ERC2: variants seen among roughly 807,000 people sequenced by gnomAD.
The protein encoded by ERC2 is ELKS/RAB6-interacting/CAST family member 2, also known as ERC protein 2.
In ERC2, 42 loss-of-function variants were observed where a neutral mutation model predicts 114.8. The ratio of observed to expected loss-of-function variants is 0.37; its 90% CI spans 0.29 to 0.47. The LOEUF (loss-of-function observed/expected upper bound fraction) is 0.47, where lower values mean the gene tolerates loss of function less well. ERC2 is among the 20% of genes least tolerant of loss of function. The probability of loss-of-function intolerance (pLI) is 0.99; values close to 1 mark genes in which losing one functional copy is unlikely to be tolerated. For missense variants in ERC2, 939 were observed against 1,150.7 expected (o/e 0.82, Z 2.66); for synonymous variants, 454 against 425.5 (o/e 1.07, Z -0.82).
At chr3:55,670,832 G>T (rs2061527257) in intron 17 of ERC2, among the ~76,000 whole-genome samples, 1 of 152,184 alleles carries the variant, frequency 6.6e-6, no homozygotes, top group Non-Finnish European at 1.5e-5. Flanking sequence ...CAACAGTTGG[G>T]GGGGAATTTT....
chr3:55,692,987 A>C (rs558347978), intron 16 of ERC2, among the ~76,000 whole-genome samples: 2 of 152,312 alleles, frequency 1.3e-5, no homozygotes, highest in East Asian at 3.9e-4. Flanking sequence ...ATTCTATGGG[A>C]ATTTTCAGCA....
intron 14 of ERC2, among the ~76,000 whole-genome samples, chr3:55,789,218 C>T (rs961140574): frequency 6.6e-6 from 1 of 152,180 alleles, no homozygotes; most frequent in Non-Finnish European, 1.5e-5. Flanking sequence ...TGTGACTGTC[C>T]TGCAAAAAGG....
intron 13 of ERC2, among the ~76,000 whole-genome samples, chr3:55,940,664 C>T (rs935490445): frequency 1.3e-5 from 2 of 152,136 alleles, no homozygotes; most frequent in African/African-American, 2.4e-5. Context: ...CTTGTTGTTA[C>T]ATCTCAGTAG....
At chr3:56,141,781 A>G (rs1389055432) in intron 5 of ERC2, among the ~76,000 whole-genome samples, 1 of 152,198 alleles carries the variant, frequency 6.6e-6, no homozygotes, top group Non-Finnish European at 1.5e-5. Context: ...CCCTGGCATT[A>G]CTATGAAAAA....
chr3:55,900,717 G>A (rs984606485), intron 13 of ERC2, among the ~76,000 whole-genome samples: 1 of 152,140 alleles, frequency 6.6e-6, no homozygotes, highest in Admixed American at 6.5e-5. Context: ...AGAGTCCAAA[G>A]CACCCTTGCA....
chr3:56,388,666 A>T (rs983201959), intron 2 of ERC2, among the ~76,000 whole-genome samples: 1 of 152,094 alleles, frequency 6.6e-6, no homozygotes, highest in Non-Finnish European at 1.5e-5. Context: ...GCCTTCCATG[A>T]TTCCTTTCCT....
At chr3:55,856,338 T>C (rs1286985131) in intron 14 of ERC2, among the ~76,000 whole-genome samples, 1 of 152,116 alleles carries the variant, frequency 6.6e-6, no homozygotes, top group Non-Finnish European at 1.5e-5. Flanking sequence ...GACCAAACGA[T>C]AAACTATAGA....
chr3:56,135,587 A>G (rs964395291), intron 6 of ERC2, among the ~76,000 whole-genome samples: 1 of 152,204 alleles, frequency 6.6e-6, no homozygotes, highest in Non-Finnish European at 1.5e-5. Flanking sequence ...TTTCACATAG[A>G]TGTATGAGGC....
chr3:56,051,924 A>T (rs1030527911), intron 7 of ERC2, among the ~76,000 whole-genome samples: 1 of 152,070 alleles, frequency 6.6e-6, no homozygotes, highest in Non-Finnish European at 1.5e-5. Flanking sequence ...GTGTCCTAAG[A>T]TGTAGAAAAT....
chr3:55,624,067 G>A (rs1251903604), intron 17 of ERC2, among the ~76,000 whole-genome samples: 2 of 152,212 alleles, frequency 1.3e-5, no homozygotes, highest in Non-Finnish European at 2.9e-5. Flanking sequence ...AACAGCTCAA[G>A]AGAGAGGGGT....
chr3:56,428,301 A>C (rs866525597), intron 2 of ERC2, among the ~76,000 whole-genome samples: 2 of 151,956 alleles, frequency 1.3e-5, no homozygotes, highest in Non-Finnish European at 2.9e-5. Context: ...CGGGCGGATC[A>C]CCTGAGGTCA....
intron 1 of ERC2, among the ~76,000 whole-genome samples, chr3:56,454,969 C>T (rs1269113810): frequency 2.0e-5 from 3 of 151,534 alleles, no homozygotes; most frequent in Non-Finnish European, 4.4e-5. Context: ...CAAATATTGT[C>T]TGATATCATT....
intron 17 of ERC2, among the ~76,000 whole-genome samples, chr3:55,677,125 T>C (rs1470569767): frequency 6.6e-6 from 1 of 152,322 alleles, no homozygotes; most frequent in East Asian, 1.9e-4. Context: ...TTCCAATTCA[T>C]TAGCTCGCAA....
rs548362050 is a variant in ERC2, at chr3:55,688,028, A to G, written c.2848-4169T>C. Among the ~76,000 whole-genome samples the G allele has an allele frequency of 2.2e-4, 33 of 152,294 alleles. No individual in the cohort carries two copies. The Middle Eastern group carries it at 0.017, about 78-fold the overall frequency. On this transcript the variant is annotated intron_variant, in intron 16 of 17. Coordinates refer to ENST00000288221, the MANE Select transcript of ERC2 (RefSeq NM_015576.3). ...TCCTGCTTCCTGGAATGCTTAGTCC[A>G]TGGATGAATGTCTCTGTTCAGGTGA...
intron 3 of ERC2, among the ~76,000 whole-genome samples, chr3:56,183,422 A>T (rs916735589): frequency 1.3e-5 from 2 of 152,182 alleles, no homozygotes; most frequent in Non-Finnish European, 2.9e-5. Context: ...CAGCTATTTC[A>T]TCGCGTAGAG....
intron 1 of ERC2, among the ~76,000 whole-genome samples, chr3:56,446,873 G>A (rs1317295297): frequency 2.0e-5 from 3 of 151,166 alleles, no homozygotes; most frequent in East Asian, 2.0e-4. Context: ...GTGATCCTCC[G>A]GCCTCAGCCT....
chr3:55,877,881 T>C (rs2062937561), intron 14 of ERC2, among the ~76,000 whole-genome samples: 1 of 152,146 alleles, frequency 6.6e-6, no homozygotes, highest in Admixed American at 6.5e-5. Context: ...CCCTGTCCCT[T>C]GCATCAAGGG....
intron 12 of ERC2, among the ~76,000 whole-genome samples, chr3:55,971,331 T>C (rs13097006): frequency 0.29 from 43,569 of 151,978 alleles, 6,430 homozygotes; most frequent in Admixed American, 0.35. Context: ...AAAGGGTGAA[T>C]TTTATGGTAT....
chr3:55,828,974 TA>T (rs890461235), intron 14 of ERC2, among the ~76,000 whole-genome samples: 22 of 151,872 alleles, frequency 1.4e-4, no homozygotes, highest in African/African-American at 5.3e-4. Context: ...CCTGTCTCTA[TA>T]AAAAAATTAG....
Sources: gnomAD v4.1 joint callset for allele counts (sites outside exome capture counted in the v4.1 genomes callset) on GRCh38, gnomAD v4.1.1 for gene constraint, MANE v1.5 for transcripts, NCBI Gene and HGNC (gene_info 2026-07-23, HGNC 2026-07-21) for gene names.